WDR91: variants seen among roughly 807,000 people sequenced by gnomAD.
WDR91 encodes the protein WD repeat domain 91, also known as WD repeat-containing protein 91.
Under a neutral mutation model 88.4 loss-of-function variants are expected in WDR91, and 52 were observed. The ratio of observed to expected loss-of-function variants is 0.59; its 90% CI spans 0.47 to 0.74. The LOEUF (loss-of-function observed/expected upper bound fraction) is 0.74, where lower values mean the gene tolerates loss of function less well. Ranked by LOEUF, WDR91 falls within the 30% of genes least tolerant of loss-of-function variation. The probability of loss-of-function intolerance (pLI) is 0.00; values close to 1 mark genes in which losing one functional copy is unlikely to be tolerated. For missense variants in WDR91, 824 were observed against 954.5 expected (o/e 0.86, Z 1.80); for synonymous variants, 362 against 389.5 (o/e 0.93, Z 0.83).
chr7:135,197,670 T>A, intron 7 of WDR91: 1 of 210,696 alleles, frequency 4.7e-6, no homozygotes. Context: ...CACAGGCTGC[T>A]TAGCACAATT....
chr7:135,190,772 G>A lies in WDR91; in HGVS notation c.1660-1320C>T, dbSNP rs149906266. ...AAACAGAAGATTAGATATAGTAGAG[G>A]AGAGATTAGCAAACTGATGGATCTG... On this transcript the variant is annotated intron_variant, in intron 11 of 14. Transcript: ENST00000354475. Among the ~76,000 whole-genome samples, 40 of 152,270 alleles carry A rather than the reference G, an allele frequency of 2.6e-4. 1 individual carries two copies. The highest frequency in any genetic ancestry group is 9.6e-4 in the African/African-American group (40 of 41,552).
In WDR91 at chr7:135,208,914, C is replaced by G. The variant is rs201094010; in HGVS notation, c.388G>C (p.Val130Leu). 38 of 1,614,064 alleles carry G rather than the reference C, an allele frequency of 2.4e-5. No homozygotes were observed. Among genetic ancestry groups the G allele is most frequent in the Non-Finnish European group, 2.5e-5 (29 of 1,180,042 alleles). Residue 130 changes from valine to leucine, a missense_variant, in exon 3 of 15, where the codon GTC (valine) becomes CTC (leucine). By Grantham distance (32) the Val-to-Leu change is conservative. Coordinates refer to ENST00000354475, the MANE Select transcript of WDR91 (RefSeq NM_014149.4). ...QNQAEWKDWFVLPFLPSPDTN... is the reference protein window; with the variant it reads ...QNQAEWKDWFLLPFLPSPDTN... ...TCCGGGGATGGCAGGAAGGGCAGGACAAACCAATCCTTCCACTCAGCCTGG... is the reference window on the plus strand; with the variant it reads ...TCCGGGGATGGCAGGAAGGGCAGGAGAAACCAATCCTTCCACTCAGCCTGG...
rs758689945 is a variant in WDR91, at chr7:135,196,275, C to G, written c.1113G>C (p.Thr371=). The change falls in exon 8 of 15, where the codon ACG becomes ACC. Residue 371 remains threonine, a synonymous_variant. Coordinates refer to ENST00000354475, the MANE Select transcript of WDR91 (RefSeq NM_014149.4). The surrounding 1 kb of genome is among the most constrained non-coding windows in gnomAD (Gnocchi z 4.2). ...PEAEPCPELH[T]EPVEPLTRAS... is the part of the protein sequence containing the mutation. ...CCCGAGTCAGTGGCTCCACTGGCTC[C>G]GTGTGGAGCTCTGGGCAGGGCTCAG... The G allele has an allele frequency of 6.2e-7, 1 of 1,610,998 alleles. No homozygotes were observed. The highest frequency in any genetic ancestry group is 1.1e-5 in the South Asian group (1 of 90,704).
At position 135,208,726 on chromosome 7, in the gene WDR91, G is replaced by T. The variant is rs370122209; in HGVS notation, c.511+65C>A. ...GAAATGCCTGTATGGAGACCAGCGG[G>T]CTACTGATCCTGAGGTCTGGGTGCC... On this transcript the variant is annotated intron_variant, in intron 3 of 14. Coordinates refer to ENST00000354475, the MANE Select transcript of WDR91 (RefSeq NM_014149.4). 1.1e-5 allele frequency: 15 copies of T among 1,415,484 alleles called. No individual in the cohort carries two copies. In the South Asian group the frequency reaches 2.0e-4, roughly 19 times the overall value. 87.7% of individuals were successfully genotyped at this position (1,415,484 alleles called of 1,614,324 possible). A position where few individuals can be genotyped will look rare whatever the true frequency, so the allele number is the denominator to read the frequency against.
intron 5 of WDR91, among the ~76,000 whole-genome samples, chr7:135,204,929 A>G (rs1447194085): frequency 6.6e-6 from 1 of 152,228 alleles, no homozygotes; most frequent in Non-Finnish European, 1.5e-5. Flanking sequence ...TACTAAAAAA[A>G]TTAAATTACG....
chr7:135,188,563 G>A lies in WDR91; in HGVS notation c.1769-18C>T, dbSNP rs758458513. 2.1e-5 allele frequency: 33 copies of A among 1,601,628 alleles called. No individual in the cohort carries two copies. Among genetic ancestry groups the A allele is most frequent in the South Asian group, 1.2e-4 (11 of 90,876 alleles). Reference sequence around the variant, plus strand: ...CTGCATGTCTGAGGCAATGAGACACGGCCACTCACATCCTGGCCAGGGCTC... The same window carrying A: ...CTGCATGTCTGAGGCAATGAGACACAGCCACTCACATCCTGGCCAGGGCTC... On this transcript the variant is annotated intron_variant, in intron 12 of 14. Transcript: ENST00000354475.
intron 7 of WDR91, 43 bp downstream of exon 7, chr7:135,197,950 A>T (rs1173433997): frequency 4.4e-6 from 7 of 1,592,488 alleles, no homozygotes. Flanking sequence ...GTTCCTCAGT[A>T]GCTGCATGAG....
At position 135,196,307 on chromosome 7, in the gene WDR91, G is replaced by A. The variant is rs747720055; in HGVS notation, c.1081C>T (p.Pro361Ser). ...AGCTCTGGGCAGGGCTCAGCCTCTG[G>A]GCCACTGGCTTCTGGTTTCTTCTCT... Reference protein sequence around the residue: ...CAEKKPEASGPEAEPCPELHT... With the variant: ...CAEKKPEASGSEAEPCPELHT... The change falls in exon 8 of 15, where the codon CCA becomes TCA. Residue 361 changes from proline (P) to serine (S), a missense_variant. Physicochemically the swap from Pro to Ser is moderately conservative, Grantham distance 74. Transcript: ENST00000354475. This position sits in a 1 kb window ranked among gnomAD's most constrained non-coding sequence, Gnocchi z 4.2. The A allele has an allele frequency of 3.2e-6, 5 of 1,584,438 alleles. No individual in the cohort carries two copies. The highest frequency in any genetic ancestry group is 4.3e-6 in the Non-Finnish European group (5 of 1,166,690).
chr7:135,186,699 G>C (rs552039301), intron 14 of WDR91, among the ~76,000 whole-genome samples: 1 of 152,248 alleles, frequency 6.6e-6, no homozygotes, highest in Non-Finnish European at 1.5e-5. Flanking sequence ...GCAAGCTGCA[G>C]GAGAGCAGGG....
At position 135,205,943 on chromosome 7, in the gene WDR91, A is replaced by G; in HGVS notation, c.710T>C (p.Leu237Pro). 1 of 1,613,722 alleles carries G rather than the reference A, an allele frequency of 6.2e-7. No individual in the cohort carries two copies. The highest frequency in any genetic ancestry group is 8.5e-7 in the Non-Finnish European group (1 of 1,180,030). The change falls in exon 5 of 15, where the codon CTG becomes CCG. Residue 237 changes from leucine (L) to proline (P), a missense_variant. By Grantham distance (98) the Leu-to-Pro change is moderately conservative (BLOSUM62 -3). Transcript: ENST00000354475. Reference sequence around the variant, plus strand: ...ACACACTCACAGTTCCGAGTCCCCCAGGCGGTCCATGTTGGAGACATAAGG... The same window carrying G: ...ACACACTCACAGTTCCGAGTCCCCCGGGCGGTCCATGTTGGAGACATAAGG... ...LPPYVSNMDR[L>P]GDSELAMVCS...
chr7:135,188,222 CT>C (rs1436605710), intron 13 of WDR91, among the ~76,000 whole-genome samples: 3 of 152,192 alleles, frequency 2.0e-5, no homozygotes, highest in Non-Finnish European at 4.4e-5. Flanking sequence ...ATTTTTGGTA[CT>C]TCCTTTCATA....
At chr7:135,193,970 T>A in intron 9 of WDR91, 1 of 333,300 alleles carries the variant, frequency 3.0e-6, no homozygotes. Context: ...CCTCTGATCC[T>A]CCCTTTCTTC....
chr7:135,199,109 T>C (rs1180531404), intron 6 of WDR91: 1 of 152,212 alleles, frequency 6.6e-6, no homozygotes, highest in Non-Finnish European at 1.5e-5. Context: ...TCAACCAAAG[T>C]CTACCTGCTG....
chr7:135,210,920 G>A, intron 1 of WDR91: 1 of 703,684 alleles, frequency 1.4e-6, no homozygotes, highest in Non-Finnish European at 2.6e-6. Flanking sequence ...AAGCAAAATT[G>A]CCGATGAGTC....
intron 6 of WDR91, 89 bp from the exon 7 acceptor site, chr7:135,198,240 G>T (rs75355232): frequency 5.4e-6 from 8 of 1,476,554 alleles, no homozygotes; most frequent in Admixed American, 4.3e-5. Context: ...TGGGCGGGGG[G>T]GCGTGGTGGG....
rs749279155 is a variant in WDR91 at position 135,187,147 on chromosome 7, T to C, written c.1904A>G (p.Lys635Arg). 5 of 1,614,202 alleles carry C rather than the reference T, an allele frequency of 3.1e-6. No homozygotes were observed. The highest frequency in any genetic ancestry group is 2.2e-5 in the East Asian group (1 of 44,878). ...GTACTCGGATACCTTGAGGCCACTC[T>C]TGTGGATGTTCCACTGGATGAACTG... ...DGKFIQWNIH[K>R]SGLKVSEYSL... The change falls in exon 14 of 15, where the codon AAG becomes AGG. Residue 635 changes from lysine to arginine, a missense_variant. By Grantham distance (26) the Lys-to-Arg change is conservative. Coordinates refer to ENST00000354475, the MANE Select transcript of WDR91 (RefSeq NM_014149.4).
At chr7:135,194,910 G>T (rs752362197) in intron 9 of WDR91, 24 bp downstream of exon 9, 1 of 1,612,510 alleles carries the variant, frequency 6.2e-7, no homozygotes. Flanking sequence ...AGCAAAGCGG[G>T]CCCCACAGGC....
intron 11 of WDR91, among the ~76,000 whole-genome samples, chr7:135,192,440 G>A (rs1197413406): frequency 2.0e-5 from 3 of 152,190 alleles, no homozygotes; most frequent in Non-Finnish European, 2.9e-5. Flanking sequence ...TTCTAAGTGA[G>A]GCACATTTGC....
At chr7:135,189,487 C>A (rs747991233) in intron 11 of WDR91, 35 bp from the exon 12 acceptor site, 11 of 1,579,144 alleles carry the variant, frequency 7.0e-6, no homozygotes, top group Non-Finnish European at 7.8e-6. Flanking sequence ...AGTAGCAGAT[C>A]TTCACTCAGC....
Sources: gnomAD v4.1 joint callset for allele counts (sites outside exome capture counted in the v4.1 genomes callset) on GRCh38, gnomAD v4.1.1 for gene constraint, Gnocchi (gnomAD v3.1) non-coding constraint, MANE v1.5 for transcripts, NCBI Gene and HGNC (gene_info 2026-07-23, HGNC 2026-07-21) for gene names.